ACP7: variants seen among roughly 807,000 people sequenced by gnomAD.
ACP7 encodes the protein acid phosphatase type 7.
ACP7 carries 58 observed loss-of-function variants against 60.6 expected under a neutral mutation model. The observed-to-expected ratio is 0.96, with a 90% confidence interval of 0.77 to 1.19. The LOEUF (loss-of-function observed/expected upper bound fraction) is 1.19. Among genes scored for constraint, ACP7 ranks in the 50% most tolerant of loss-of-function variants. The probability of loss-of-function intolerance (pLI) is 0.00; values close to 1 mark genes in which losing one functional copy is unlikely to be tolerated. For missense variants in ACP7, 574 were observed against 596.2 expected (o/e 0.96, Z 0.39); for synonymous variants, 237 against 232.6 (o/e 1.02, Z -0.17).
Position 39,099,053 on chromosome 19 carries a change from T to C in ACP7, c.416T>C (p.Phe139Ser). The C allele has an allele frequency of 6.2e-7, 1 of 1,612,284 alleles. No homozygotes were observed. The highest frequency in any genetic ancestry group is 8.5e-7 in the Non-Finnish European group (1 of 1,179,462). The part of the protein sequence containing the change: ...GAHWSPRLAV[F>S]GDLGADNPKA... ...CACTGGAGTCCCCGTCTGGCTGTGTTTGGAGACCTGGGGGCTGACAACCCG... is the reference window on the plus strand; with the variant it reads ...CACTGGAGTCCCCGTCTGGCTGTGTCTGGAGACCTGGGGGCTGACAACCCG... The change falls in exon 4 of 13, where the codon TTT (phenylalanine) becomes TCT (serine). Residue 139 changes from phenylalanine to serine, a missense_variant. Coordinates refer to ENST00000331256, the MANE Select transcript of ACP7 (RefSeq NM_001004318.3).
rs138518296 is a variant in ACP7 at position 39,101,449 on chromosome 19, G to T, written c.1042-17G>T. The T allele has an allele frequency of 4.3e-6, 7 of 1,614,086 alleles. No homozygotes were observed. Among genetic ancestry groups the T allele is most frequent in the Middle Eastern group, 1.6e-4 (1 of 6,062 alleles). Reference sequence around the variant, plus strand: ...CTCGAGTGACTGCCTGCCACCCAACGTTGTTCCCTTCCCCAGGTATTTAAC... The same window carrying T: ...CTCGAGTGACTGCCTGCCACCCAACTTTGTTCCCTTCCCCAGGTATTTAAC... On this transcript the variant is annotated splice_polypyrimidine_tract_variant and intron_variant, in intron 10 of 12. Coordinates refer to ENST00000331256, the MANE Select transcript of ACP7 (RefSeq NM_001004318.3).
At chr19:39,089,638 C>T (rs1215534838) in intron 2 of ACP7, among the ~76,000 whole-genome samples, 1 of 152,196 alleles carries the variant, frequency 6.6e-6, no homozygotes, top group Non-Finnish European at 1.5e-5. Context: ...AGCTGTTGTG[C>T]CTCCCTAGTC....
chr19:39,096,697 C>T (rs2073269553), intron 2 of ACP7, among the ~76,000 whole-genome samples: 1 of 152,192 alleles, frequency 6.6e-6, no homozygotes, highest in South Asian at 2.1e-4. Context: ...TAAAGACATA[C>T]CCAAGACTGG....
At chr19:39,108,301 G>T (rs146715960) in intron 12 of ACP7, among the ~76,000 whole-genome samples, 1 of 151,754 alleles carries the variant, frequency 6.6e-6, no homozygotes, top group Non-Finnish European at 1.5e-5. Flanking sequence ...CACCACACCC[G>T]GCTAATTTTT....
chr19:39,100,620 G>T lies in ACP7; in HGVS notation c.670G>T (p.Asp224Tyr), dbSNP rs746887864. Residue 224 changes from aspartate to tyrosine, a missense_variant, in exon 6 of 13, where the codon GAT becomes TAT. Physicochemically the swap from Asp to Tyr is radical, Grantham distance 160. Transcript: ENST00000331256. ...CAAGGCTCGCTTCAGCATGCCGGGG[G>T]ATAATGAGGGCCTGTGGTACAGGTA... ...NYKARFSMPGDNEGLWYSWDL... is the reference protein window; with the variant it reads ...NYKARFSMPGYNEGLWYSWDL... The T allele has an allele frequency of 8.7e-6, 14 of 1,613,950 alleles. No individual in the cohort carries two copies. Among genetic ancestry groups the T allele is most frequent in the African/African-American group, 1.3e-5 (1 of 74,876 alleles).
At chr19:39,088,519 G>A (rs2073169026) in intron 2 of ACP7, among the ~76,000 whole-genome samples, 1 of 152,150 alleles carries the variant, frequency 6.6e-6, no homozygotes, top group African/African-American at 2.4e-5. Context: ...TCCTTTTTCA[G>A]CCTACACAGT....
At chr19:39,106,381 G>A (rs1409712650) in intron 11 of ACP7, among the ~76,000 whole-genome samples, 1 of 152,196 alleles carries the variant, frequency 6.6e-6, no homozygotes, top group Non-Finnish European at 1.5e-5. Context: ...CGTTGGGATG[G>A]CTTCCAGTTC....
chr19:39,090,374 G>A (rs929278553), intron 2 of ACP7, among the ~76,000 whole-genome samples: 8 of 152,028 alleles, frequency 5.3e-5, no homozygotes, highest in South Asian at 4.2e-4. Flanking sequence ...TCACTGTGTT[G>A]CCCAGGCTGG....
At position 39,108,439 on chromosome 19, in the gene ACP7, C is replaced by T. The variant is rs558486343; in HGVS notation, c.1251+1355C>T. Among the ~76,000 whole-genome samples the T allele has an allele frequency of 4.8e-3, 729 of 152,176 alleles. 4 individuals carry two copies. Among genetic ancestry groups the T allele is most frequent in the Non-Finnish European group, 8.1e-3 (549 of 68,012 alleles). ...TACAGGTGTGAGCCACTGTGCTGGG[C>T]CCACTTATCTAACTTCTTTGCCTCA... On this transcript the variant is annotated intron_variant, in intron 12 of 12. Coordinates refer to ENST00000331256, the MANE Select transcript of ACP7 (RefSeq NM_001004318.3).
At chr19:39,095,036 G>A (rs2073250244) in intron 2 of ACP7, among the ~76,000 whole-genome samples, 1 of 152,098 alleles carries the variant, frequency 6.6e-6, no homozygotes, top group Non-Finnish European at 1.5e-5. Flanking sequence ...CACAACATGT[G>A]GGAATTATGG....
At chr19:39,096,920 G>A (rs768055772) in intron 2 of ACP7, among the ~76,000 whole-genome samples, 15 of 152,136 alleles carry the variant, frequency 9.9e-5, no homozygotes, top group Non-Finnish European at 1.6e-4. Flanking sequence ...TCCTGCCTCA[G>A]CCTTCCAAGT....
intron 12 of ACP7, among the ~76,000 whole-genome samples, chr19:39,107,702 A>G (rs2073427084): frequency 6.6e-6 from 1 of 151,948 alleles, no homozygotes; most frequent in Non-Finnish European, 1.5e-5. Flanking sequence ...CCTGGCCAAC[A>G]TGGTGAAACC....
chr19:39,102,552 T>C (rs575463123), intron 11 of ACP7, among the ~76,000 whole-genome samples: 20 of 151,782 alleles, frequency 1.3e-4, no homozygotes, highest in Admixed American at 3.3e-4. Flanking sequence ...CTCAAACTCC[T>C]CACCTCAAGT....
intron 11 of ACP7, among the ~76,000 whole-genome samples, chr19:39,102,757 TTCTTTCTTTC>T (rs1411969999): frequency 3.6e-3 from 301 of 84,522 alleles, no homozygotes; most frequent in South Asian, 7.5e-3. Context: ...CTTTCTTTCT[TTCTTTCTTTC>T]TCTCTCTCTC....
intron 12 of ACP7, among the ~76,000 whole-genome samples, chr19:39,107,525 A>G (rs1192336870): frequency 2.1e-5 from 3 of 145,880 alleles, no homozygotes; most frequent in Admixed American, 7.0e-5. Context: ...CAGAGCTTGC[A>G]GTGAGCCGAG....
At chr19:39,098,781 C>G in intron 3 of ACP7, 123 bp downstream of exon 3, 1 of 1,358,576 alleles carries the variant, frequency 7.4e-7, no homozygotes, top group Non-Finnish European at 9.9e-7. Context: ...ATCTGCAAGC[C>G]TGTTGTATGA....
chr19:39,098,983 G>A lies in ACP7; in HGVS notation c.346G>A (p.Gly116Ser), dbSNP rs775936829. The A allele has an allele frequency of 6.2e-7, 1 of 1,612,342 alleles. No homozygotes were observed. Among genetic ancestry groups the A allele is most frequent in the African/African-American group, 1.3e-5 (1 of 74,884 alleles). ...QYVYRCGSAQ[G>S]WSRRFRFRAL... is the part of the protein sequence containing the mutation. ...AGTTTATCGCTGTGGCAGTGCGCAG[G>A]GCTGGAGCCGTCGGTTCCGCTTCAG... The change falls in exon 4 of 13, where the codon GGC (glycine) becomes AGC (serine). Residue 116 changes from glycine to serine, a missense_variant. Gly to Ser is a moderately conservative substitution (Grantham distance 56). Coordinates refer to ENST00000331256, the MANE Select transcript of ACP7 (RefSeq NM_001004318.3).
intron 11 of ACP7, among the ~76,000 whole-genome samples, chr19:39,102,680 G>A (rs1046332145): frequency 6.7e-6 from 1 of 149,942 alleles, no homozygotes; most frequent in African/African-American, 2.4e-5. Flanking sequence ...GACGCTGCCT[G>A]TTAACAGTTA....
intron 2 of ACP7, among the ~76,000 whole-genome samples, chr19:39,088,181 C>T (rs2073165793): frequency 6.6e-6 from 1 of 152,004 alleles, no homozygotes; most frequent in Non-Finnish European, 1.5e-5. Context: ...ACTACCATGC[C>T]TGGCTAATTC....
Sources: allele counts gnomAD v4.1 joint callset (sites outside exome capture counted in the v4.1 genomes callset), GRCh38; gene constraint gnomAD v4.1.1; transcripts MANE v1.5; gene names NCBI Gene and HGNC (gene_info 2026-07-23, HGNC 2026-07-21).